The following METTL15 variants were observed in gnomAD, a reference collection of about 807,000 sequenced individuals.
The protein encoded by METTL15 is methyltransferase 15, mitochondrial 12S rRNA N4-cytidine, also known as 12S rRNA N(4)-cytidine methyltransferase METTL15.
Under a neutral mutation model 38.3 loss-of-function variants are expected in METTL15, and 34 were observed. The observed-to-expected ratio is 0.89, with a 90% CI of 0.68 to 1.18. METTL15 has a LOEUF of 1.18. Among genes scored for constraint, METTL15 ranks in the 50% most tolerant of loss-of-function variants. The pLI is 0.00. For missense variants in METTL15, 438 were observed against 498.4 expected (o/e 0.88, Z 1.15); for synonymous variants, 162 against 170.9 (o/e 0.95, Z 0.41).
chr11:28,503,652 G>A (rs1021115478), intron 6 of METTL15, among the ~76,000 whole-genome samples: 11 of 151,982 alleles, frequency 7.2e-5, no homozygotes, highest in African/African-American at 2.4e-4. Flanking sequence ...TTAGCCAGGC[G>A]TGGTGGCACG....
chr11:28,269,428 CATT>C (rs1308302671), intron 4 of METTL15, among the ~76,000 whole-genome samples: 2 of 151,788 alleles, frequency 1.3e-5, no homozygotes, highest in African/African-American at 4.8e-5. Flanking sequence ...TTTATTTTAA[CATT>C]ATACATATCA....
At chr11:28,337,994 C>T (rs1849916906), downstream of METTL15, among the ~76,000 whole-genome samples, 1 of 152,032 alleles carries the variant, frequency 6.6e-6, no homozygotes, top group Non-Finnish European at 1.5e-5. Context: ...ACCCCCTTAA[C>T]TTTCATCTGG....
chr11:28,290,185 A>G (rs752633208), intron 4 of METTL15, 21 bp from the exon 5 acceptor site: 55 of 1,578,828 alleles, frequency 3.5e-5, no homozygotes, highest in Middle Eastern at 3.9e-4. Flanking sequence ...TGTTTTCTCT[A>G]TCTCCTGGGT....
intron 6 of METTL15, among the ~76,000 whole-genome samples, chr11:28,310,917 G>GCTGCTGCTGCTGC (rs1565244277): frequency 6.1e-4 from 34 of 55,304 alleles, no homozygotes; most frequent in African/African-American, 2.0e-3. Flanking sequence ...GCTGCTGCTG[G>GCTGCTGCTGCTGC]TGGTGGTGGT....
chr11:28,243,054 A>T (rs181002785), intron 4 of METTL15, among the ~76,000 whole-genome samples: 1 of 152,132 alleles, frequency 6.6e-6, no homozygotes, highest in Non-Finnish European at 1.5e-5. Context: ...TGAGGGAAAA[A>T]TATAATTCTG....
At chr11:28,266,195 A>C (rs937724230) in intron 4 of METTL15, among the ~76,000 whole-genome samples, 1 of 152,182 alleles carries the variant, frequency 6.6e-6, no homozygotes, top group South Asian at 2.1e-4. Flanking sequence ...TTGACCCAGC[A>C]ATCCCATTAC....
intron 4 of METTL15, among the ~76,000 whole-genome samples, chr11:28,233,347 A>T (rs1431286265): frequency 6.6e-6 from 1 of 152,140 alleles, no homozygotes; most frequent in Non-Finnish European, 1.5e-5. Flanking sequence ...ATATGAAAAT[A>T]CATGTTTAAA....
intron 6 of METTL15, among the ~76,000 whole-genome samples, chr11:28,475,492 T>G (rs1851338380): frequency 6.6e-6 from 1 of 152,184 alleles, no homozygotes; most frequent in South Asian, 2.1e-4. Flanking sequence ...CTGGTCATGG[T>G]CTCGTGGTGT....
At chr11:28,274,936 A>C (rs1855784206) in intron 4 of METTL15, among the ~76,000 whole-genome samples, 1 of 151,452 alleles carries the variant, frequency 6.6e-6, no homozygotes, top group Non-Finnish European at 1.5e-5. Flanking sequence ...AAAGTATAAT[A>C]CAAAATATAT....
chr11:28,350,401 T>C (rs1387062459), intron 3 of METTL15, among the ~76,000 whole-genome samples: 1 of 152,226 alleles, frequency 6.6e-6, no homozygotes, highest in Admixed American at 6.5e-5. Context: ...AAAATTAGTT[T>C]TATTACAAAA....
chr11:28,117,259 GTATATATA>G (rs60938215), intron 3 of METTL15, among the ~76,000 whole-genome samples: 9,413 of 108,074 alleles, frequency 0.087, 505 homozygotes, highest in East Asian at 0.15. Context: ...GTGTGTGTGT[GTATATATA>G]TATATATATA....
chr11:28,328,695 T>C (rs1339621780), intron 6 of METTL15, among the ~76,000 whole-genome samples: 2 of 152,134 alleles, frequency 1.3e-5, no homozygotes, highest in African/African-American at 2.4e-5. Context: ...GGTTATAAGC[T>C]TAAGGAAAAT....
intron 5 of METTL15, among the ~76,000 whole-genome samples, chr11:28,397,377 A>C (rs1334314184): frequency 6.6e-6 from 1 of 152,146 alleles, no homozygotes; most frequent in Non-Finnish European, 1.5e-5. Flanking sequence ...TCTACAATGA[A>C]CTCCAACAAA....
intron 5 of METTL15, among the ~76,000 whole-genome samples, chr11:28,406,194 T>G (rs1412151699): frequency 1.3e-5 from 2 of 152,352 alleles, no homozygotes; most frequent in East Asian, 3.9e-4. Flanking sequence ...TAAATTACTT[T>G]GGGCAGTATG....
intron 4 of METTL15, among the ~76,000 whole-genome samples, chr11:28,236,139 G>T (rs1853956104): frequency 6.6e-6 from 1 of 152,238 alleles, no homozygotes; most frequent in African/African-American, 2.4e-5. Context: ...AACCAGCCTT[G>T]CATCCCAGGG....
At chr11:28,518,429 A>G (rs1003680666) in intron 6 of METTL15, among the ~76,000 whole-genome samples, 1 of 152,198 alleles carries the variant, frequency 6.6e-6, no homozygotes, top group Admixed American at 6.5e-5. Flanking sequence ...TCTGAAAAGA[A>G]TATCTGGATT....
chr11:28,467,328 G>C (rs1015921822), intron 6 of METTL15, among the ~76,000 whole-genome samples: 1 of 152,110 alleles, frequency 6.6e-6, no homozygotes, highest in African/African-American at 2.4e-5. Context: ...TTTATTCTCA[G>C]CCTAAACAAG....
chr11:28,266,729 T>C (rs1399553842), intron 4 of METTL15, among the ~76,000 whole-genome samples: 1 of 152,194 alleles, frequency 6.6e-6, no homozygotes, highest in Non-Finnish European at 1.5e-5. Context: ...CCTGGATCAG[T>C]GCAACAGTCT....
At chr11:28,349,197 C>T (rs186063111) in intron 3 of METTL15, among the ~76,000 whole-genome samples, 164 of 152,340 alleles carry the variant, frequency 1.1e-3, no homozygotes, top group African/African-American at 2.2e-3. Flanking sequence ...TTGTCACTCC[C>T]TTTCCAATAG....
Sources: allele counts gnomAD v4.1 joint callset (sites outside exome capture counted in the v4.1 genomes callset), GRCh38; gene constraint gnomAD v4.1.1; transcripts MANE v1.5; gene names NCBI Gene and HGNC (gene_info 2026-07-23, HGNC 2026-07-21).